Variants in APBA2 observed in about 807,000 individuals in gnomAD.
APBA2 encodes the protein amyloid beta precursor protein binding family A member 2.
In APBA2, 30 loss-of-function variants were observed where a neutral mutation model predicts 75.0. That is an observed-to-expected ratio of 0.40 (90% confidence interval 0.30 to 0.54). The LOEUF (loss-of-function observed/expected upper bound fraction) is 0.54. Among genes scored for constraint, APBA2 ranks in the 20% least tolerant of loss-of-function variants. The pLI is 0.49. For synonymous variants in APBA2, 444 were observed against 409.6 expected (o/e 1.08, Z -1.01); for missense variants, 801 against 1,016.1 (o/e 0.79, Z 2.88).
At chr15:29,006,930 C>G (rs1355447179) in intron 3 of APBA2, among the ~76,000 whole-genome samples, 1 of 152,202 alleles carries the variant, frequency 6.6e-6, no homozygotes, top group African/African-American at 2.4e-5. Flanking sequence ...CTTGTGCAAT[C>G]TCAAGGGACC....
At chr15:28,886,495 C>A (rs1164943493) in intron 1 of APBA2, among the ~76,000 whole-genome samples, 1 of 148,166 alleles carries the variant, frequency 6.7e-6, no homozygotes, top group African/African-American at 2.5e-5. Flanking sequence ...CCGGCCGCTT[C>A]CCCCTCCCAC....
At chr15:29,013,095 A>C (rs1225965329) in intron 3 of APBA2, among the ~76,000 whole-genome samples, 1 of 152,032 alleles carries the variant, frequency 6.6e-6, no homozygotes, top group African/African-American at 2.4e-5. Flanking sequence ...TTAGTCTGAC[A>C]CAAGCTAGTG....
chr15:29,063,203 G>A (rs60927457), intron 4 of APBA2, among the ~76,000 whole-genome samples: 36 of 112,948 alleles, frequency 3.2e-4, no homozygotes, highest in African/African-American at 1.1e-3. Context: ...GTATGGGTGG[G>A]GAGGGGAGTT....
In APBA2 at chr15:28,891,292, C is replaced by A. The variant is rs1168928394; in HGVS notation, c.-205+5014C>A. On this transcript the variant is annotated intron_variant, in intron 1 of 14. Transcript: ENST00000683413. ...AGCTGAGCTGTGGGTTGCCTAAGAA[C>A]ACTCTGCTGTGACGGGGCAGTGCTG... is the stretch of plus-strand genomic sequence containing the variant. Among the ~76,000 whole-genome samples, 5 of 152,180 alleles carry A rather than the reference C, an allele frequency of 3.3e-5. No homozygotes were observed. In the East Asian group the frequency reaches 9.6e-4, roughly 29 times the overall value.
intron 2 of APBA2, among the ~76,000 whole-genome samples, chr15:28,994,738 T>C (rs2038419808): frequency 6.6e-6 from 1 of 152,176 alleles, no homozygotes; most frequent in African/African-American, 2.4e-5. Context: ...GTGAAGACGC[T>C]GAGTAGACTA....
chr15:29,112,261 G>A (rs1297067209), intron 13 of APBA2, among the ~76,000 whole-genome samples: 1 of 152,246 alleles, frequency 6.6e-6, no homozygotes, highest in Non-Finnish European at 1.5e-5. Context: ...GAGGATGCCT[G>A]GCTAGGAGTC....
intron 3 of APBA2, among the ~76,000 whole-genome samples, chr15:29,043,550 C>G (rs976610691): frequency 2.6e-5 from 4 of 152,178 alleles, no homozygotes; most frequent in Non-Finnish European, 4.4e-5. Flanking sequence ...CGAAGGCAGC[C>G]CTTGCTAACG....
At chr15:29,114,238 G>T (rs1212960866) in intron 14 of APBA2, among the ~76,000 whole-genome samples, 1 of 152,240 alleles carries the variant, frequency 6.6e-6, no homozygotes, top group East Asian at 1.9e-4. Flanking sequence ...AGGCTGCTGG[G>T]GGTGCTCCCT....
At chr15:29,027,626 G>C (rs4779698) in intron 3 of APBA2, among the ~76,000 whole-genome samples, 1 of 149,628 alleles carries the variant, frequency 6.7e-6, no homozygotes, top group Non-Finnish European at 1.5e-5. Context: ...TCTTTTTGAG[G>C]CAGTCTTGCT....
chr15:28,946,495 C>T (rs982045430), intron 2 of APBA2, among the ~76,000 whole-genome samples: 33 of 152,192 alleles, frequency 2.2e-4, no homozygotes, highest in African/African-American at 8.0e-4. Flanking sequence ...TTGCCTAGAG[C>T]CTCCGTAAAG....
intron 2 of APBA2, among the ~76,000 whole-genome samples, chr15:28,934,862 C>T (rs2034765965): frequency 6.6e-6 from 1 of 152,162 alleles, no homozygotes; most frequent in African/African-American, 2.4e-5. Flanking sequence ...GTTTCCCCGT[C>T]AGGAGAGCAG....
chr15:29,092,523 G>A (rs2043626725), intron 6 of APBA2, among the ~76,000 whole-genome samples: 2 of 152,116 alleles, frequency 1.3e-5, no homozygotes, highest in Non-Finnish European at 2.9e-5. Context: ...AAGTTTGTTG[G>A]GTCACGATGG....
chr15:29,017,397 CTTTTTTT>C (rs56993296), intron 3 of APBA2, among the ~76,000 whole-genome samples: 2,788 of 102,082 alleles, frequency 0.027, 22 homozygotes, highest in Non-Finnish European at 0.036. Context: ...TTCTTTCTTT[CTTTTTTT>C]TTTTTTTTTT....
Position 29,009,173 on chromosome 15 carries a change from G to C in APBA2, c.-41+13367G>C, listed in dbSNP as rs117692552. On this transcript the variant is annotated intron_variant, in intron 3 of 14. Transcript: ENST00000683413. ...CAGGCAGAGCTTGGGGTTCAAAGCA[G>C]AATCTGAGGAAAGACTCTAAAAAGA... is the stretch of plus-strand genomic sequence containing the variant. Among the ~76,000 whole-genome samples, 895 of 152,268 alleles carry C rather than the reference G, an allele frequency of 5.9e-3. 10 individuals are homozygous for C. Among genetic ancestry groups the C allele is most frequent in the Non-Finnish European group, 9.3e-3 (630 of 68,020 alleles).
At chr15:28,947,206 G>A (rs2035597391) in intron 2 of APBA2, among the ~76,000 whole-genome samples, 1 of 152,190 alleles carries the variant, frequency 6.6e-6, no homozygotes, top group African/African-American at 2.4e-5. Flanking sequence ...TAAACGCTGG[G>A]CCCTTAGTGG....
In APBA2 at chr15:28,889,518, C is replaced by T. The variant is rs1332981926; in HGVS notation, c.-205+3240C>T. Among the ~76,000 whole-genome samples, 10 of 152,226 alleles carry T rather than the reference C, an allele frequency of 6.6e-5. No homozygotes were observed. The East Asian group carries it at 1.5e-3, about 23-fold the overall frequency. On this transcript the variant is annotated intron_variant, in intron 1 of 14. Transcript: ENST00000683413. ...TCGGCTGGATTTTCTCAAGTTCCCC[C>T]ACTTGCTCCCAAGAATGGCCCCTCC...
At chr15:28,894,744 G>C (rs962329350) in intron 1 of APBA2, among the ~76,000 whole-genome samples, 2 of 152,148 alleles carry the variant, frequency 1.3e-5, no homozygotes, top group African/African-American at 4.8e-5. Flanking sequence ...CTCTAGGAGA[G>C]TGATTTCTGC....
At chr15:29,036,321 G>A (rs951235032) in intron 3 of APBA2, among the ~76,000 whole-genome samples, 2 of 152,164 alleles carry the variant, frequency 1.3e-5, no homozygotes, top group African/African-American at 4.8e-5. Context: ...TTGCTTAGTA[G>A]ACAAATGTCC....
intron 14 of APBA2, among the ~76,000 whole-genome samples, chr15:29,115,384 T>G (rs2045031497): frequency 6.6e-6 from 1 of 151,880 alleles, no homozygotes; most frequent in Non-Finnish European, 1.5e-5. Flanking sequence ...CCTGGACTGG[T>G]GGGGGCAGGG....
Sources: allele counts gnomAD v4.1 joint callset (sites outside exome capture counted in the v4.1 genomes callset), GRCh38; gene constraint gnomAD v4.1.1; transcripts MANE v1.5; gene names NCBI Gene and HGNC (gene_info 2026-07-23, HGNC 2026-07-21).